The following ARHGEF28 variants were observed in gnomAD, a reference collection of about 807,000 sequenced individuals.
ARHGEF28 encodes the protein Rho guanine nucleotide exchange factor 28.
A neutral mutation model predicts 206.6 loss-of-function variants in ARHGEF28; 152 were observed. The observed-to-expected ratio is 0.74, with a 90% confidence interval of 0.64 to 0.84. ARHGEF28 has a LOEUF of 0.84. Ranked by LOEUF, ARHGEF28 falls within the 40% of genes least tolerant of loss-of-function variation. The probability of loss-of-function intolerance (pLI) is 0.00; values close to 1 mark genes in which losing one functional copy is unlikely to be tolerated. For missense variants in ARHGEF28, 2,028 were observed against 2,073.2 expected (o/e 0.98, Z 0.42); for synonymous variants, 763 against 776.4 (o/e 0.98, Z 0.29).
intron 35 of ARHGEF28, among the ~76,000 whole-genome samples, chr5:73,931,524 A>G (rs1263893480): frequency 6.6e-6 from 1 of 151,982 alleles, no homozygotes; most frequent in African/African-American, 2.4e-5. Flanking sequence ...TTTTCCATCC[A>G]TTTCCATTTC....
intron 35 of ARHGEF28, among the ~76,000 whole-genome samples, chr5:73,934,158 T>C (rs549975911): frequency 6.6e-6 from 1 of 152,330 alleles, no homozygotes; most frequent in East Asian, 1.9e-4. Flanking sequence ...GTTCAATTAT[T>C]TTCTGAAATA....
At chr5:73,672,003 C>T (rs6894142) in intron 1 of ARHGEF28, among the ~76,000 whole-genome samples, 196 of 151,646 alleles carry the variant, frequency 1.3e-3, no homozygotes, top group African/African-American at 4.6e-3. Context: ...GTGATCCACC[C>T]GCCTTGGCCT....
chr5:73,744,116 CT>C (rs1457545946), intron 2 of ARHGEF28, among the ~76,000 whole-genome samples: 1 of 152,094 alleles, frequency 6.6e-6, no homozygotes, highest in Non-Finnish European at 1.5e-5. Flanking sequence ...TTGTGGTGTG[CT>C]GTACACATAG....
chr5:73,713,658 G>C (rs1749393226), intron 2 of ARHGEF28, among the ~76,000 whole-genome samples: 1 of 152,110 alleles, frequency 6.6e-6, no homozygotes. Flanking sequence ...GGTGGGGGGA[G>C]GGTAAGCGAG....
At position 73,920,398 on chromosome 5, in the gene ARHGEF28, G is replaced by C. The variant is rs186433189; in HGVS notation, c.4948+8823G>C. ...TGTATAGTACTATATGTATCAGTTTGGCATAGGTACTTTTTGTTCAGTTCT... is the reference window on the plus strand; with the variant it reads ...TGTATAGTACTATATGTATCAGTTTCGCATAGGTACTTTTTGTTCAGTTCT... On this transcript the variant is annotated intron_variant, in intron 35 of 35. Coordinates refer to ENST00000513042, the MANE Select transcript of ARHGEF28 (RefSeq NM_001177693.2). Among the ~76,000 whole-genome samples the C allele has an allele frequency of 3.3e-5, 5 of 152,026 alleles. 1 individual carries two copies. In the East Asian group the frequency reaches 9.6e-4, roughly 29 times the overall value.
chr5:73,739,514 G>C (rs757044273), intron 2 of ARHGEF28, among the ~76,000 whole-genome samples: 15 of 152,092 alleles, frequency 9.9e-5, no homozygotes, highest in Non-Finnish European at 5.9e-5. Context: ...AAATATAAGA[G>C]AGAAATTAAA....
chr5:73,694,061 G>A (rs561033356), intron 2 of ARHGEF28, among the ~76,000 whole-genome samples: 1 of 152,340 alleles, frequency 6.6e-6, no homozygotes, highest in Admixed American at 6.5e-5. Context: ...GAGAGGAAAA[G>A]CTTCTCAGAC....
chr5:73,687,493 A>G (rs2112255604), intron 2 of ARHGEF28, among the ~76,000 whole-genome samples: 1 of 152,186 alleles, frequency 6.6e-6, no homozygotes, highest in South Asian at 2.1e-4. Context: ...ACTTGGCCTC[A>G]TCCAGCAAGA....
chr5:73,848,863 T>A (rs1758531499), intron 12 of ARHGEF28, 113 bp from the exon 13 acceptor site: 1 of 733,824 alleles, frequency 1.4e-6, no homozygotes, highest in Non-Finnish European at 2.2e-6. Context: ...ATATCAGAAA[T>A]GTTCAGGTTG....
At chr5:73,685,806 A>G (rs2112251341) in intron 2 of ARHGEF28, among the ~76,000 whole-genome samples, 1 of 152,174 alleles carries the variant, frequency 6.6e-6, no homozygotes, top group East Asian at 1.9e-4. Flanking sequence ...GTATTTTAGT[A>G]GAGATGGGGT....
chr5:73,880,450 G>A (rs372897074), intron 22 of ARHGEF28, among the ~76,000 whole-genome samples: 4 of 152,146 alleles, frequency 2.6e-5, no homozygotes, highest in Non-Finnish European at 1.5e-5. Flanking sequence ...TGCGCCCACT[G>A]TCTGGCACTC....
At chr5:73,893,013 A>T (rs577943005) in intron 27 of ARHGEF28, among the ~76,000 whole-genome samples, 184 bp from the exon 28 acceptor site, 3 of 152,308 alleles carry the variant, frequency 2.0e-5, no homozygotes, top group Admixed American at 6.5e-5. Context: ...ATGTAATGTT[A>T]TGCAAGATTC....
chr5:73,882,637 G>T, intron 23 of ARHGEF28, 43 bp downstream of exon 23: 1 of 1,405,522 alleles, frequency 7.1e-7, no homozygotes, highest in Non-Finnish European at 9.5e-7. Flanking sequence ...AAATCAGCAT[G>T]GAGAAATAGT....
chr5:73,915,566 G>C (rs904555488), intron 35 of ARHGEF28, among the ~76,000 whole-genome samples: 5 of 152,074 alleles, frequency 3.3e-5, no homozygotes, highest in African/African-American at 1.2e-4. Flanking sequence ...TTAAACAATA[G>C]TCTCTGTGGG....
intron 5 of ARHGEF28, 128 bp from the exon 6 acceptor site, chr5:73,776,388 C>T (rs1016268196): frequency 3.6e-5 from 26 of 722,730 alleles, no homozygotes; most frequent in South Asian, 1.5e-4. Flanking sequence ...ATTTATTGCA[C>T]GTAGGTGACT....
At chr5:73,639,480 C>T (rs1036115080) in intron 1 of ARHGEF28, among the ~76,000 whole-genome samples, 38 of 151,762 alleles carry the variant, frequency 2.5e-4, no homozygotes, top group African/African-American at 8.4e-4. Flanking sequence ...ATATGCACAC[C>T]ATAACTATAA....
Position 73,911,312 on chromosome 5 carries a change from A to C in ARHGEF28, c.4685A>C (p.Glu1562Ala). ...AATCGATCTGAGAGTTTATGTCATG[A>C]AAACTCATTCTTCATCAATGAAGCT... Reference protein sequence around the residue: ...ELNRSESLCHENSFFINEALV... With the variant: ...ELNRSESLCHANSFFINEALV... The change falls in exon 35 of 36, where the codon GAA becomes GCA. Residue 1562 changes from glutamate (E) to alanine (A), a missense_variant. Glu to Ala is a moderately radical substitution (Grantham distance 107). Transcript: ENST00000513042. 1.9e-6 allele frequency: 3 copies of C among 1,606,802 alleles called. No individual in the cohort carries two copies. Among genetic ancestry groups the C allele is most frequent in the South Asian group, 2.2e-5 (2 of 89,588 alleles).
At chr5:73,908,527 A>G (rs558965642) in intron 33 of ARHGEF28, 1 of 152,332 alleles carries the variant, frequency 6.6e-6, no homozygotes, top group Non-Finnish European at 1.5e-5. Context: ...TTAAAATTAA[A>G]AGCTTCCAAG....
At chr5:73,824,655 A>G (rs944865195) in intron 9 of ARHGEF28, among the ~76,000 whole-genome samples, 17 of 152,010 alleles carry the variant, frequency 1.1e-4, no homozygotes, top group African/African-American at 3.4e-4. Context: ...TTTAATAGAG[A>G]CAGGGTTTTG....
Sources: gnomAD v4.1 joint callset for allele counts (sites outside exome capture counted in the v4.1 genomes callset) on GRCh38, gnomAD v4.1.1 for gene constraint, MANE v1.5 for transcripts, NCBI Gene and HGNC (gene_info 2026-07-23, HGNC 2026-07-21) for gene names.